SUGCT: variants seen among roughly 807,000 people sequenced by gnomAD.
The protein encoded by SUGCT is succinyl-CoA:glutarate-CoA transferase.
SUGCT carries 41 observed loss-of-function variants against 55.0 expected under a neutral mutation model. That is an observed-to-expected ratio of 0.74 (90% CI 0.58 to 0.97). SUGCT has a LOEUF of 0.97. SUGCT is among the 50% of genes least tolerant of loss of function. The pLI is 0.00. For synonymous variants in SUGCT, 187 were observed against 200.4 expected, an observed-to-expected ratio of 0.93 and a Z score of 0.56; for missense variants, 568 against 547.8, an observed-to-expected ratio of 1.04 and a Z score of -0.37.
At chr7:40,156,066 A>AT (rs1443438250) in intron 1 of SUGCT, among the ~76,000 whole-genome samples, 4 of 152,052 alleles carry the variant, frequency 2.6e-5, no homozygotes, top group African/African-American at 9.7e-5. Flanking sequence ...CATGTTGGCC[A>AT]GGCTGGTCTC....
chr7:40,315,693 A>G (rs1434924426), intron 8 of SUGCT, among the ~76,000 whole-genome samples: 2 of 152,342 alleles, frequency 1.3e-5, no homozygotes, highest in Admixed American at 6.5e-5. Context: ...GAGTTGTTCC[A>G]GGAGCCAATC....
At chr7:40,544,814 T>C (rs765068480) in intron 12 of SUGCT, among the ~76,000 whole-genome samples, 3 of 152,156 alleles carry the variant, frequency 2.0e-5, no homozygotes, top group Non-Finnish European at 4.4e-5. Flanking sequence ...CTCAGACAAA[T>C]AAGACATAGC....
At chr7:40,991,821 G>A in the SUGCT span, among the ~76,000 whole-genome samples, 6 of 152,084 alleles carry the variant, frequency 3.9e-5, no homozygotes, top group African/African-American at 1.2e-4. Flanking sequence ...GGACGAGCAC[G>A]TATCAGAAGA....
At chr7:40,767,033 A>G (rs1788831250) in intron 13 of SUGCT, among the ~76,000 whole-genome samples, 1 of 152,206 alleles carries the variant, frequency 6.6e-6, no homozygotes, top group Admixed American at 6.5e-5. Flanking sequence ...ATCTAACCTA[A>G]GAAATGTTTA....
At chr7:41,013,782 T>C in the SUGCT span, among the ~76,000 whole-genome samples, 5 of 151,876 alleles carry the variant, frequency 3.3e-5, no homozygotes, top group African/African-American at 1.2e-4. Context: ...AAAAGAAACA[T>C]TGACTTTTGA....
At chr7:41,026,135 G>A in the SUGCT span, among the ~76,000 whole-genome samples, 2 of 152,108 alleles carry the variant, frequency 1.3e-5, no homozygotes, top group South Asian at 4.2e-4. Flanking sequence ...TCCTGGCCAG[G>A]GCCAGCTTCA....
intron 12 of SUGCT, among the ~76,000 whole-genome samples, chr7:40,714,262 G>A (rs779365285): frequency 6.6e-6 from 1 of 151,994 alleles, no homozygotes; most frequent in Admixed American, 6.6e-5. Context: ...CTCAGGAGGC[G>A]GGTTGCATTT....
intron 13 of SUGCT, among the ~76,000 whole-genome samples, chr7:40,837,813 C>T (rs530354917): frequency 2.6e-5 from 4 of 152,218 alleles, no homozygotes; most frequent in South Asian, 4.1e-4. Flanking sequence ...GGGGTTTCAC[C>T]ATGTTGGCCA....
At position 40,188,574 on chromosome 7, in the gene SUGCT, T is replaced by TA; in HGVS notation, c.312dup (p.Ser105LysfsTer5). ...CATATTATCTCAGTGTTAACCGAAATAAAAAAGTAAGAATATCATCCCTTT... is the reference window on the plus strand; with the variant it reads ...CATATTATCTCAGTGTTAACCGAAATAAAAAAAGTAAGAATATCATCCCTTT... On this transcript the variant is annotated frameshift_variant, in exon 4 of 14. Transcript: ENST00000335693. LOFTEE classifies it high-confidence loss of function. 1 of 1,596,592 alleles carries TA rather than the reference T, an allele frequency of 6.3e-7. No homozygotes were observed. The highest frequency in any genetic ancestry group is 8.5e-7 in the Non-Finnish European group (1 of 1,174,030).
chr7:40,743,783 T>A (rs1398568367), intron 12 of SUGCT, among the ~76,000 whole-genome samples: 2 of 152,208 alleles, frequency 1.3e-5, no homozygotes, highest in Admixed American at 1.3e-4. Context: ...CAGTTGCCGC[T>A]TCTTGTGAGC....
At chr7:40,836,453 G>GTT (rs1792980092) in intron 13 of SUGCT, among the ~76,000 whole-genome samples, 1 of 152,300 alleles carries the variant, frequency 6.6e-6, no homozygotes, top group African/African-American at 2.4e-5. Context: ...GATTTTACCA[G>GTT]TTTTATGCGA....
At chr7:40,507,654 C>T (rs549637379) in intron 12 of SUGCT, among the ~76,000 whole-genome samples, 1 of 152,236 alleles carries the variant, frequency 6.6e-6, no homozygotes, top group South Asian at 2.1e-4. Flanking sequence ...CTAGGCATTG[C>T]CCTTGGGTCA....
At chr7:40,699,615 T>C (rs1449852917) in intron 12 of SUGCT, among the ~76,000 whole-genome samples, 1 of 152,334 alleles carries the variant, frequency 6.6e-6, no homozygotes, top group East Asian at 1.9e-4. Context: ...ACGCCTGTAA[T>C]CCCAGCACTT....
the SUGCT span, among the ~76,000 whole-genome samples, chr7:40,901,985 G>A: frequency 1.3e-5 from 2 of 152,122 alleles, no homozygotes. Flanking sequence ...GAGAGCTTGG[G>A]TTAAAACACA....
At chr7:40,622,538 T>TTTTTTTTTTTTTTTTTTTTTC (rs1799318980) in intron 12 of SUGCT, among the ~76,000 whole-genome samples, 1 of 149,604 alleles carries the variant, frequency 6.7e-6, no homozygotes, top group African/African-American at 2.4e-5. Context: ...GTTTTTTTTT[T>TTTTTTTTTTTTTTTTTTTTTC]TTTTTTTTTT....
At chr7:40,464,115 A>G (rs924414328) in intron 11 of SUGCT, among the ~76,000 whole-genome samples, 1 of 152,166 alleles carries the variant, frequency 6.6e-6, no homozygotes, top group African/African-American at 2.4e-5. Context: ...GAAAACATGA[A>G]ATGAGGATGA....
At chr7:40,821,499 G>A (rs939853157) in intron 13 of SUGCT, among the ~76,000 whole-genome samples, 1 of 152,180 alleles carries the variant, frequency 6.6e-6, no homozygotes. Flanking sequence ...TTGGGAGGGT[G>A]TATGTGTCCA....
chr7:41,026,251 A>G, the SUGCT span, among the ~76,000 whole-genome samples: 85,777 of 152,078 alleles, frequency 0.56, 25,108 homozygotes, highest in South Asian at 0.72. Context: ...CAACCACCGA[A>G]TGGTGATGGT....
chr7:40,673,518 G>T (rs1802044600), intron 12 of SUGCT, among the ~76,000 whole-genome samples: 1 of 152,062 alleles, frequency 6.6e-6, no homozygotes, highest in Admixed American at 6.6e-5. Context: ...TTTAAATCTT[G>T]CCTCAAAGCC....
Sources: gnomAD v4.1 joint callset for allele counts (sites outside exome capture counted in the v4.1 genomes callset) on GRCh38, gnomAD v4.1.1 for gene constraint, MANE v1.5 for transcripts, NCBI Gene and HGNC (gene_info 2026-07-23, HGNC 2026-07-21) for gene names.